The following CELF4 variants were observed in gnomAD, a reference collection of about 807,000 sequenced individuals.
The protein encoded by CELF4 is CUGBP Elav-like family member 4, also known as CUG-BP- and ETR-3-like factor 4.
Under a neutral mutation model 59.9 loss-of-function variants are expected in CELF4, and 18 were observed. The ratio of observed to expected loss-of-function variants is 0.30; its 90% CI spans 0.21 to 0.45. The LOEUF (loss-of-function observed/expected upper bound fraction) is 0.45. CELF4 is among the 20% of genes least tolerant of loss of function. The pLI is 1.00. For synonymous variants in CELF4, 261 were observed against 267.1 expected, an observed-to-expected ratio of 0.98 and a Z score of 0.22; for missense variants, 456 against 689.0, an observed-to-expected ratio of 0.66 and a Z score of 3.79.
At chr18:37,454,287 C>T (rs2099772062) in intron 2 of CELF4, among the ~76,000 whole-genome samples, 1 of 151,752 alleles carries the variant, frequency 6.6e-6, no homozygotes. Flanking sequence ...CAACTCTGAG[C>T]ATCTCCTGTT....
At position 37,270,929 on chromosome 18, in the gene CELF4, C is replaced by A; in HGVS notation, c.950-12G>T. On this transcript the variant is annotated splice_polypyrimidine_tract_variant and intron_variant, in intron 7 of 12. Transcript: ENST00000420428. ...AGGGGTGCTGCCACCTGGTTCCAGG[C>A]ATACAGAAGGGTGGAGGAGGAGGGG... is the stretch of plus-strand genomic sequence containing the variant. The A allele has an allele frequency of 6.3e-7, 1 of 1,594,644 alleles. No homozygotes were observed. Among genetic ancestry groups the A allele is most frequent in the Non-Finnish European group, 8.5e-7 (1 of 1,169,708 alleles).
chr18:37,311,752 G>A lies in CELF4; in HGVS notation c.448+10051C>T, dbSNP rs1174082798. Among the ~76,000 whole-genome samples, 5 of 139,682 alleles carry A rather than the reference G, an allele frequency of 3.6e-5. No homozygotes were observed. The East Asian group carries it at 1.0e-3, about 29-fold the overall frequency. 91.6% of individuals were successfully genotyped at this position (139,682 alleles called of 152,430 possible). A position where few individuals can be genotyped will look rare whatever the true frequency, so the allele number is the denominator to read the frequency against. ...TGCAGTGAGCCAGGATCATGCCACT[G>A]CACTCCAGCCTGGGCGACAGAACCA... On this transcript the variant is annotated intron_variant, in intron 3 of 12. Coordinates refer to ENST00000420428, the MANE Select transcript of CELF4 (RefSeq NM_020180.4).
intron 2 of CELF4, among the ~76,000 whole-genome samples, chr18:37,410,178 C>T (rs1005402517): frequency 6.6e-5 from 10 of 152,312 alleles, no homozygotes; most frequent in South Asian, 4.1e-4. Flanking sequence ...TCCCTACCCC[C>T]GCCCCTGCCT....
At chr18:37,524,041 C>CT (rs1215939055) in intron 1 of CELF4, among the ~76,000 whole-genome samples, 1 of 152,250 alleles carries the variant, frequency 6.6e-6, no homozygotes, top group African/African-American at 2.4e-5. Context: ...CAGAGAGACA[C>CT]TGTGCTCCGC....
intron 2 of CELF4, among the ~76,000 whole-genome samples, chr18:37,343,309 G>T (rs1489729173): frequency 6.6e-6 from 1 of 150,702 alleles, no homozygotes; most frequent in African/African-American, 2.4e-5. Flanking sequence ...GGGCCATTGT[G>T]TTGAGAATGG....
chr18:37,399,440 C>T (rs1245465387), intron 2 of CELF4, among the ~76,000 whole-genome samples: 3 of 152,204 alleles, frequency 2.0e-5, no homozygotes, highest in Non-Finnish European at 2.9e-5. Context: ...TTCTCAGCCT[C>T]TCCACTGTAA....
intron 2 of CELF4, among the ~76,000 whole-genome samples, chr18:37,472,245 TC>T (rs1353679433): frequency 3.7e-4 from 57 of 152,344 alleles, no homozygotes; most frequent in African/African-American, 1.4e-3. Context: ...AGCTCCAGCG[TC>T]CTTATGGACC....
chr18:37,426,209 A>C (rs1468961208), intron 2 of CELF4, among the ~76,000 whole-genome samples: 1 of 152,188 alleles, frequency 6.6e-6, no homozygotes, highest in African/African-American at 2.4e-5. Context: ...TGGACAAAGA[A>C]CTGGGCAGGG....
At chr18:37,409,899 A>C (rs1420013930) in intron 2 of CELF4, among the ~76,000 whole-genome samples, 1 of 152,210 alleles carries the variant, frequency 6.6e-6, no homozygotes, top group Non-Finnish European at 1.5e-5. Flanking sequence ...AGTTTGCTTT[A>C]CAAAGTGACC....
chr18:37,370,361 G>A (rs1240908530), intron 2 of CELF4, among the ~76,000 whole-genome samples: 1 of 152,102 alleles, frequency 6.6e-6, no homozygotes, highest in Non-Finnish European at 1.5e-5. Flanking sequence ...CCTTGGTCTT[G>A]GGTGTTACTG....
intron 3 of CELF4, among the ~76,000 whole-genome samples, chr18:37,301,503 T>G (rs1049475376): frequency 6.6e-6 from 1 of 152,094 alleles, no homozygotes; most frequent in Non-Finnish European, 1.5e-5. Flanking sequence ...GGGACAGGTG[T>G]CTCCCTCCAT....
intron 3 of CELF4, among the ~76,000 whole-genome samples, chr18:37,281,901 T>C (rs952195579): frequency 6.6e-6 from 1 of 152,138 alleles, no homozygotes; most frequent in Non-Finnish European, 1.5e-5. Context: ...TCTCTAACTT[T>C]ACCTGTGGAT....
At chr18:37,342,121 C>A (rs1215945811) in intron 2 of CELF4, among the ~76,000 whole-genome samples, 4 of 152,050 alleles carry the variant, frequency 2.6e-5, no homozygotes, top group Non-Finnish European at 5.9e-5. Flanking sequence ...TTCTTCTCCA[C>A]CAGCCCCTTA....
intron 2 of CELF4, among the ~76,000 whole-genome samples, chr18:37,357,356 A>G (rs1434265819): frequency 1.3e-5 from 2 of 152,220 alleles, no homozygotes; most frequent in African/African-American, 4.8e-5. Flanking sequence ...TGCAAACCTC[A>G]AGCCTTGGAG....
chr18:37,394,107 G>A (rs532777127), intron 2 of CELF4, among the ~76,000 whole-genome samples: 46 of 152,232 alleles, frequency 3.0e-4, no homozygotes, highest in African/African-American at 1.1e-3. Context: ...AGGGGCCCGC[G>A]GCAGATGCTC....
At chr18:37,319,957 C>G (rs988053875) in intron 3 of CELF4, among the ~76,000 whole-genome samples, 25 of 152,194 alleles carry the variant, frequency 1.6e-4, no homozygotes, top group Admixed American at 5.9e-4. Context: ...GGCCCTCATG[C>G]TGGACACCCC....
At chr18:37,385,025 C>T (rs2099083547) in intron 2 of CELF4, among the ~76,000 whole-genome samples, 1 of 152,192 alleles carries the variant, frequency 6.6e-6, no homozygotes, top group South Asian at 2.1e-4. Context: ...ATTTGTCAGG[C>T]TGTGTGTCTG....
At chr18:37,564,187 C>G (rs1185842957) in intron 1 of CELF4, among the ~76,000 whole-genome samples, 2 of 152,202 alleles carry the variant, frequency 1.3e-5, no homozygotes, top group African/African-American at 4.8e-5. Flanking sequence ...TAGCCCCGTG[C>G]TCCTTCCCTG....
rs1201959910 is a variant in CELF4, at chr18:37,338,764, GT to G, written c.370-16884del. Reference sequence around the variant, plus strand: ...GGACTTGAAAATGCAGGAGCCGTGTGTGTGTGTGTGTGTGTGTGTGTGTGTG... The same window carrying G: ...GGACTTGAAAATGCAGGAGCCGTGTGGTGTGTGTGTGTGTGTGTGTGTGTG... On this transcript the variant is annotated intron_variant, in intron 2 of 12. Coordinates refer to ENST00000420428, the MANE Select transcript of CELF4 (RefSeq NM_020180.4). 2.7e-5 allele frequency among the ~76,000 whole-genome samples: 4 copies of G among 148,588 alleles called. 1 individual carries two copies. Among genetic ancestry groups the G allele is most frequent in the African/African-American group, 1.0e-4 (4 of 38,872 alleles).
Sources: gnomAD v4.1 joint callset for allele counts (sites outside exome capture counted in the v4.1 genomes callset) on GRCh38, gnomAD v4.1.1 for gene constraint, MANE v1.5 for transcripts, NCBI Gene and HGNC (gene_info 2026-07-23, HGNC 2026-07-21) for gene names.